Variants in CSRNP3 observed in about 807,000 individuals in gnomAD.
CSRNP3 encodes cysteine/serine-rich nuclear protein 3.
CSRNP3 carries 12 observed loss-of-function variants against 48.0 expected under a neutral mutation model. That is an observed-to-expected ratio of 0.25 (90% CI 0.16 to 0.41). The LOEUF is 0.41. Ranked by LOEUF, CSRNP3 falls within the 10% of genes least tolerant of loss-of-function variation. The pLI is 1.00. For synonymous variants in CSRNP3, 263 were observed against 269.7 expected, an observed-to-expected ratio of 0.98 and a Z score of 0.24; for missense variants, 580 against 724.4, an observed-to-expected ratio of 0.80 and a Z score of 2.29.
At chr2:165,580,264 A>G (rs1241084765) in intron 3 of CSRNP3, among the ~76,000 whole-genome samples, 1 of 152,150 alleles carries the variant, frequency 6.6e-6, no homozygotes, top group Non-Finnish European at 1.5e-5. Flanking sequence ...CTATGGTGCA[A>G]CTTATTTCTA....
chr2:165,657,602 T>G (rs12624049), intron 4 of CSRNP3, among the ~76,000 whole-genome samples, 159 bp from the exon 5 acceptor site: 2,963 of 152,100 alleles, frequency 0.019, 156 homozygotes, highest in East Asian at 0.13. Context: ...AGAAAGAAAA[T>G]TAGAACTCTA....
chr2:165,626,782 T>C (rs992183114), intron 4 of CSRNP3, among the ~76,000 whole-genome samples: 2 of 152,228 alleles, frequency 1.3e-5, no homozygotes, highest in Admixed American at 1.3e-4. Flanking sequence ...TCTTCCATAC[T>C]TTTAAATGTA....
chr2:165,507,829 G>T (rs920879796), intron 2 of CSRNP3, among the ~76,000 whole-genome samples: 1 of 152,082 alleles, frequency 6.6e-6, no homozygotes, highest in Non-Finnish European at 1.5e-5. Context: ...ATCTTATTGT[G>T]GCAGAAAAGA....
intron 5 of CSRNP3, 69 bp from the exon 6 acceptor site, chr2:165,676,243 C>G (rs997545914): frequency 8.7e-7 from 1 of 1,142,978 alleles, no homozygotes; most frequent in African/African-American, 1.6e-5. Flanking sequence ...TCATTCTCAC[C>G]CAGTACAAAC....
intron 4 of CSRNP3, among the ~76,000 whole-genome samples, chr2:165,650,139 T>C (rs1299253617): frequency 2.0e-5 from 3 of 152,202 alleles, no homozygotes; most frequent in Non-Finnish European, 4.4e-5. Context: ...TATAAGTCTT[T>C]TGGAGTTTTT....
intron 4 of CSRNP3, among the ~76,000 whole-genome samples, chr2:165,620,695 T>C (rs964951303): frequency 2.0e-5 from 3 of 152,170 alleles, no homozygotes; most frequent in African/African-American, 7.2e-5. Context: ...TAGGTCATAT[T>C]AGTACTGGTA....
intron 1 of CSRNP3, among the ~76,000 whole-genome samples, chr2:165,479,877 AGTCTCAAAAAAAAAAAAAAAATAGT>A (rs1684016526): frequency 5.7e-5 from 8 of 140,642 alleles, no homozygotes; most frequent in Admixed American, 3.6e-4. Flanking sequence ...AGATGAGACC[AGTCTCAAAAAAAAAAAAAAAATAGT>A]CCTGCACGGT....
chr2:165,544,864 A>G (rs1320054598), intron 3 of CSRNP3, among the ~76,000 whole-genome samples: 1 of 152,182 alleles, frequency 6.6e-6, no homozygotes, highest in Non-Finnish European at 1.5e-5. Flanking sequence ...ATCACAAAAA[A>G]GGTAAATGTA....
intron 4 of CSRNP3, among the ~76,000 whole-genome samples, chr2:165,646,644 C>T (rs545786123): frequency 3.9e-5 from 6 of 152,214 alleles, no homozygotes; most frequent in Non-Finnish European, 4.4e-5. Flanking sequence ...AATATTTCTC[C>T]GATGGTGGTA....
intron 3 of CSRNP3, among the ~76,000 whole-genome samples, chr2:165,532,875 A>G (rs912234161): frequency 1.3e-5 from 2 of 152,164 alleles, no homozygotes; most frequent in African/African-American, 4.8e-5. Flanking sequence ...CAGGATACAA[A>G]ATCAATGTAC....
intron 3 of CSRNP3, among the ~76,000 whole-genome samples, chr2:165,580,859 G>GTTTTTTTTT (rs1230416435): frequency 7.8e-6 from 1 of 128,174 alleles, no homozygotes; most frequent in African/African-American, 2.7e-5. Context: ...ATCCATGTGT[G>GTTTTTTTTT]TTTTGTTTTT....
intron 3 of CSRNP3, among the ~76,000 whole-genome samples, chr2:165,535,125 T>C (rs1402720692): frequency 6.6e-6 from 1 of 151,810 alleles, no homozygotes; most frequent in African/African-American, 2.4e-5. Flanking sequence ...TGATGTTTGT[T>C]TTCTTATTTA....
At chr2:165,570,937 A>G (rs1431298316) in intron 3 of CSRNP3, among the ~76,000 whole-genome samples, 1 of 151,978 alleles carries the variant, frequency 6.6e-6, no homozygotes, top group Non-Finnish European at 1.5e-5. Context: ...CCCTACAAAT[A>G]ATATCATAAA....
intron 3 of CSRNP3, among the ~76,000 whole-genome samples, chr2:165,564,468 A>G (rs1685273757): frequency 6.6e-6 from 1 of 152,038 alleles, no homozygotes. Flanking sequence ...CCTATTTTGT[A>G]ATTCTAAGAG....
intron 2 of CSRNP3, among the ~76,000 whole-genome samples, chr2:165,510,151 C>T (rs1017052956): frequency 1.3e-5 from 2 of 152,130 alleles, no homozygotes; most frequent in African/African-American, 4.8e-5. Flanking sequence ...GATTTATCCA[C>T]TGTAGCATTA....
chr2:165,597,673 G>A (rs759769856), intron 4 of CSRNP3, among the ~76,000 whole-genome samples: 5 of 151,816 alleles, frequency 3.3e-5, no homozygotes, highest in Non-Finnish European at 5.9e-5. Context: ...GTTTATATTG[G>A]AAAAAATATT....
At chr2:165,547,520 G>A (rs1266946462) in intron 3 of CSRNP3, among the ~76,000 whole-genome samples, 1 of 151,852 alleles carries the variant, frequency 6.6e-6, no homozygotes, top group Non-Finnish European at 1.5e-5. Context: ...ACGTTTCCTT[G>A]ATTATTAGAG....
intron 3 of CSRNP3, among the ~76,000 whole-genome samples, chr2:165,553,940 C>T (rs1383443951): frequency 1.3e-5 from 2 of 152,276 alleles, no homozygotes; most frequent in South Asian, 2.1e-4. Flanking sequence ...CATTTCTTAC[C>T]CATCTGCTTA....
chr2:165,645,421 T>C (rs1340341540), intron 4 of CSRNP3, among the ~76,000 whole-genome samples: 3 of 152,166 alleles, frequency 2.0e-5, no homozygotes, highest in Non-Finnish European at 2.9e-5. Context: ...ACCTCCCAAA[T>C]GCTCCACTAT....
Sources: gnomAD v4.1 joint callset for allele counts (sites outside exome capture counted in the v4.1 genomes callset) on GRCh38, gnomAD v4.1.1 for gene constraint, MANE v1.5 for transcripts, NCBI Gene and HGNC (gene_info 2026-07-23, HGNC 2026-07-21) for gene names.